The following BCAT1 variants were observed in gnomAD, a reference collection of about 807,000 sequenced individuals.
BCAT1 encodes branched chain amino acid transaminase 1.
Under a neutral mutation model 52.4 loss-of-function variants are expected in BCAT1, and 48 were observed. The ratio of observed to expected loss-of-function variants is 0.92; its 90% CI spans 0.73 to 1.16. The LOEUF (loss-of-function observed/expected upper bound fraction) is 1.16. Ranked by LOEUF, BCAT1 falls within the 50% of genes most tolerant of loss-of-function variation. The probability of loss-of-function intolerance (pLI) is 0.00; values close to 1 mark genes in which losing one functional copy is unlikely to be tolerated. For missense variants in BCAT1, 451 were observed against 457.1 expected, an observed-to-expected ratio of 0.99 and a Z score of 0.12; for synonymous variants, 167 against 161.3, an observed-to-expected ratio of 1.04 and a Z score of -0.27.
chr12:24,910,557 T>C (rs1943306255), intron 1 of BCAT1, among the ~76,000 whole-genome samples: 1 of 152,090 alleles, frequency 6.6e-6, no homozygotes, highest in African/African-American at 2.4e-5. Context: ...TGCCCAAAAA[T>C]AGGGATAAAA....
chr12:24,933,000 C>T (rs1171195449), intron 1 of BCAT1, among the ~76,000 whole-genome samples: 4 of 150,934 alleles, frequency 2.7e-5, no homozygotes, highest in Non-Finnish European at 4.4e-5. Flanking sequence ...TTAGTAGAGA[C>T]GGGGATTCAC....
At position 24,847,108 on chromosome 12, in the gene BCAT1, G is replaced by T. The variant is rs1003378531; in HGVS notation, c.674+2678C>A. Among the ~76,000 whole-genome samples the T allele has an allele frequency of 5.3e-5, 8 of 152,140 alleles. No individual in the cohort carries two copies. In the South Asian group the frequency reaches 1.7e-3, roughly 32 times the overall value. ...CTATTATCTCACTTAATCTGTGCAA[G>T]GTATTATTGCCTCAACTTTAAAAAT... On this transcript the variant is annotated intron_variant, in intron 6 of 10. Transcript: ENST00000261192.
chr12:24,940,024 G>A (rs528448836), intron 1 of BCAT1, among the ~76,000 whole-genome samples: 4 of 152,006 alleles, frequency 2.6e-5, no homozygotes, highest in African/African-American at 9.7e-5. Flanking sequence ...AAAGGCTCAC[G>A]GTAACTTTCT....
At chr12:24,923,201 T>G (rs1943527824) in intron 1 of BCAT1, among the ~76,000 whole-genome samples, 1 of 152,178 alleles carries the variant, frequency 6.6e-6, no homozygotes, top group African/African-American at 2.4e-5. Flanking sequence ...TCGTGAGCCA[T>G]TCTTTTCAGG....
At chr12:24,843,174 C>T (rs1440654467) in intron 6 of BCAT1, among the ~76,000 whole-genome samples, 1 of 146,092 alleles carries the variant, frequency 6.8e-6, no homozygotes, top group East Asian at 2.0e-4. Context: ...ACTAAAACAA[C>T]TACAAATGTA....
intron 10 of BCAT1, among the ~76,000 whole-genome samples, chr12:24,829,575 T>C (rs1030758138): frequency 6.6e-6 from 1 of 152,168 alleles, no homozygotes; most frequent in Admixed American, 6.5e-5. Flanking sequence ...TAATGTTAAG[T>C]AATGTGGAGT....
chr12:24,898,688 G>A (rs1485740516), intron 2 of BCAT1, among the ~76,000 whole-genome samples: 6 of 151,772 alleles, frequency 4.0e-5, no homozygotes, highest in Admixed American at 3.3e-4. Context: ...GCTAATTTTT[G>A]TATTTTTAAT....
chr12:24,902,752 G>T, intron 1 of BCAT1: 1 of 793,572 alleles, frequency 1.3e-6, no homozygotes, highest in Non-Finnish European at 1.9e-6. Flanking sequence ...CGAAGAGGTG[G>T]AGATTGCAGG....
intron 1 of BCAT1, chr12:24,902,799 G>T: frequency 8.6e-7 from 1 of 1,165,102 alleles, no homozygotes; most frequent in Non-Finnish European, 1.2e-6. Flanking sequence ...TGCGGGGAAG[G>T]GAAGACGCCT....
At chr12:24,898,162 T>C (rs187558349) in intron 2 of BCAT1, among the ~76,000 whole-genome samples, 1 of 152,342 alleles carries the variant, frequency 6.6e-6, no homozygotes, top group Admixed American at 6.5e-5. Flanking sequence ...ATCAGTGTTC[T>C]TTAAAAAGTA....
At chr12:24,865,402 C>T (rs1440604665) in intron 5 of BCAT1, among the ~76,000 whole-genome samples, 1 of 152,240 alleles carries the variant, frequency 6.6e-6, no homozygotes, top group Non-Finnish European at 1.5e-5. Context: ...ATTGTGTGAG[C>T]TGCAGTAAGT....
chr12:24,817,923 A>G lies in BCAT1; in HGVS notation c.*85T>C, dbSNP rs1291887345. On this transcript the variant is annotated 3_prime_UTR_variant, in exon 11 of 11. Transcript: ENST00000261192. ...ACATTATGCACAGGTAGCCAAAGAA[A>G]TCTATCACAATTCAAATGCAACAGT... 4 of 1,428,734 alleles carry G rather than the reference A, an allele frequency of 2.8e-6. No homozygotes were observed. Among genetic ancestry groups the G allele is most frequent in the African/African-American group, 1.4e-5 (1 of 71,180 alleles). 88.5% of individuals were successfully genotyped at this position (1,428,734 alleles called of 1,614,324 possible).
At chr12:24,900,845 C>CACTTGA (rs1285643532) in intron 2 of BCAT1, among the ~76,000 whole-genome samples, 2 of 152,110 alleles carry the variant, frequency 1.3e-5, no homozygotes, top group Non-Finnish European at 2.9e-5. Flanking sequence ...GCAGGAGAAT[C>CACTTGA]ACTTGAACCT....
chr12:24,935,829 G>A (rs1359367573), intron 1 of BCAT1, among the ~76,000 whole-genome samples: 1 of 152,152 alleles, frequency 6.6e-6, no homozygotes, highest in Non-Finnish European at 1.5e-5. Context: ...TGTATGACAA[G>A]GATCTTTTTC....
intron 1 of BCAT1, among the ~76,000 whole-genome samples, chr12:24,905,870 T>G (rs997995606): frequency 6.6e-6 from 1 of 150,460 alleles, no homozygotes; most frequent in Non-Finnish European, 1.5e-5. Context: ...GAATGGATTT[T>G]GAAGAAGCTA....
intron 2 of BCAT1, among the ~76,000 whole-genome samples, chr12:24,897,524 C>T (rs1942988652): frequency 6.6e-6 from 1 of 152,068 alleles, no homozygotes; most frequent in South Asian, 2.1e-4. Context: ...CTGATTTGTA[C>T]CTAAGCACTG....
At chr12:24,893,271 A>C (rs1942887429) in intron 3 of BCAT1, among the ~76,000 whole-genome samples, 1 of 152,230 alleles carries the variant, frequency 6.6e-6, no homozygotes, top group African/African-American at 2.4e-5. Flanking sequence ...GGCTCTCGCT[A>C]TGCACCAGAT....
At chr12:24,828,775 G>A (rs889651502) in intron 10 of BCAT1, among the ~76,000 whole-genome samples, 4 of 152,156 alleles carry the variant, frequency 2.6e-5, no homozygotes, top group Non-Finnish European at 4.4e-5. Flanking sequence ...GGAAGCCAAG[G>A]CGGGTGGATC....
At chr12:24,896,610 T>C (rs987753573) in intron 2 of BCAT1, among the ~76,000 whole-genome samples, 24 of 152,008 alleles carry the variant, frequency 1.6e-4, no homozygotes, top group African/African-American at 5.6e-4. Flanking sequence ...CTACTAAAAA[T>C]ACAAAAATTA....
Sources: gnomAD v4.1 joint callset for allele counts (sites outside exome capture counted in the v4.1 genomes callset) on GRCh38, gnomAD v4.1.1 for gene constraint, MANE v1.5 for transcripts, NCBI Gene and HGNC (gene_info 2026-07-23, HGNC 2026-07-21) for gene names.